The following SPAG9 variants were observed in gnomAD, a reference collection of about 807,000 sequenced individuals.
The protein encoded by SPAG9 is C-Jun-amino-terminal kinase-interacting protein 4.
Under a neutral mutation model 166.5 loss-of-function variants are expected in SPAG9, and 35 were observed. That is an observed-to-expected ratio of 0.21 (90% CI 0.16 to 0.28). The LOEUF is 0.28. Among genes scored for constraint, SPAG9 ranks in the 10% least tolerant of loss-of-function variants. The pLI is 1.00. For missense variants in SPAG9, 1,235 were observed against 1,603.3 expected (o/e 0.77, Z 3.92); for synonymous variants, 534 against 565.5 (o/e 0.94, Z 0.79).
chr17:51,019,818 C>G (rs1175947017), intron 8 of SPAG9, among the ~76,000 whole-genome samples: 1 of 152,170 alleles, frequency 6.6e-6, no homozygotes, highest in Non-Finnish European at 1.5e-5. Flanking sequence ...CACCATTGCA[C>G]TCCAGCCTGG....
intron 2 of SPAG9, among the ~76,000 whole-genome samples, chr17:51,075,372 A>G (rs1029213688): frequency 1.3e-5 from 2 of 152,114 alleles, no homozygotes; most frequent in Non-Finnish European, 2.9e-5. Flanking sequence ...GAAAAAAAGA[A>G]GCAGTATCTT....
intron 2 of SPAG9, among the ~76,000 whole-genome samples, chr17:51,063,150 T>C (rs1319859532): frequency 6.6e-6 from 1 of 152,180 alleles, no homozygotes; most frequent in African/African-American, 2.4e-5. Context: ...GGCTCACGCC[T>C]GTAATCCCAG....
At chr17:50,977,560 G>T (rs1013879871) in intron 26 of SPAG9, among the ~76,000 whole-genome samples, 1 of 152,116 alleles carries the variant, frequency 6.6e-6, no homozygotes, top group Non-Finnish European at 1.5e-5. Context: ...GATTTACTTA[G>T]GGAACTGTAA....
At chr17:50,967,046 T>C (rs1404196565) in intron 29 of SPAG9, among the ~76,000 whole-genome samples, 2 of 152,238 alleles carry the variant, frequency 1.3e-5, no homozygotes, top group African/African-American at 4.8e-5. Context: ...CAGGTTCTTC[T>C]GCATCACGGC....
chr17:50,999,239 A>G (rs376312731), intron 14 of SPAG9, among the ~76,000 whole-genome samples: 1 of 152,190 alleles, frequency 6.6e-6, no homozygotes, highest in South Asian at 2.1e-4. Flanking sequence ...CTCAAGCTCA[A>G]TACATACACA....
chr17:51,087,952 C>G (rs2048345491), intron 1 of SPAG9, among the ~76,000 whole-genome samples: 1 of 151,994 alleles, frequency 6.6e-6, no homozygotes, highest in Non-Finnish European at 1.5e-5. Context: ...ACCATGTTGC[C>G]CAGCCTGGTC....
rs1191552260 is a variant in SPAG9, at chr17:50,962,958, T to A, written c.*3314A>T. The A allele has an allele frequency of 6.6e-6, 1 of 152,224 alleles. No homozygotes were observed. Among genetic ancestry groups the A allele is most frequent in the Non-Finnish European group, 1.5e-5 (1 of 68,042 alleles). 9.4% of individuals were successfully genotyped at this position (152,224 alleles called of 1,614,324 possible). A position where few individuals can be genotyped will look rare whatever the true frequency, so the allele number is the denominator to read the frequency against. On this transcript the variant is annotated 3_prime_UTR_variant, in exon 30 of 30. Coordinates refer to ENST00000262013, the MANE Select transcript of SPAG9 (RefSeq NM_001130528.3). ...CAATTAAGAGATTCATTCCTATTTT[T>A]AAAATTTAGATCCACATGGGTTAGA...
At chr17:51,101,301 G>A (rs930052787) in intron 1 of SPAG9, among the ~76,000 whole-genome samples, 7 of 136,712 alleles carry the variant, frequency 5.1e-5, no homozygotes, top group African/African-American at 2.0e-4. Context: ...AGCCGAGATC[G>A]CACTACTGCA....
At chr17:50,979,572 G>A (rs1317736615) in intron 26 of SPAG9, among the ~76,000 whole-genome samples, 174 bp downstream of exon 26, 1 of 151,908 alleles carries the variant, frequency 6.6e-6, no homozygotes, top group African/African-American at 2.4e-5. Flanking sequence ...GCTGAGGTGA[G>A]AGGATCGCTT....
intron 9 of SPAG9, among the ~76,000 whole-genome samples, 169 bp downstream of exon 9, chr17:51,014,063 C>T (rs2045600629): frequency 6.6e-6 from 1 of 152,172 alleles, no homozygotes; most frequent in Non-Finnish European, 1.5e-5. Context: ...AAGGTGCTTT[C>T]ATTTAAAACT....
rs1158254371 is a variant in SPAG9, at chr17:51,031,666, A to C, written c.783+15T>G. On this transcript the variant is annotated intron_variant, in intron 6 of 29. Coordinates refer to ENST00000262013, the MANE Select transcript of SPAG9 (RefSeq NM_001130528.3). ...AGTATACTTTTTGCAAAATGTTAAG[A>C]AGCACCATTCTCACCTCCTGTTCTA... The C allele has an allele frequency of 1.9e-6, 3 of 1,547,688 alleles. No individual in the cohort carries two copies. The East Asian group carries it at 7.3e-5, about 38-fold the overall frequency.
At chr17:51,004,193 A>G (rs577761346) in intron 12 of SPAG9, among the ~76,000 whole-genome samples, 3 of 152,358 alleles carry the variant, frequency 2.0e-5, no homozygotes, top group Non-Finnish European at 4.4e-5. Flanking sequence ...TAAATATAGG[A>G]TAGCAGCTTT....
At chr17:51,018,363 C>CAA (rs555936704) in intron 8 of SPAG9, among the ~76,000 whole-genome samples, 1 of 141,592 alleles carries the variant, frequency 7.1e-6, no homozygotes, top group Non-Finnish European at 1.6e-5. Flanking sequence ...GACTGCATCT[C>CAA]AAAAAAAAAA....
intron 5 of SPAG9, among the ~76,000 whole-genome samples, chr17:51,036,365 C>T (rs1336603098): frequency 6.6e-6 from 1 of 152,108 alleles, no homozygotes; most frequent in Admixed American, 6.6e-5. Context: ...AAATTCAGTC[C>T]TCATTCTACT....
intron 6 of SPAG9, among the ~76,000 whole-genome samples, chr17:51,025,665 C>T (rs528085008): frequency 6.6e-6 from 1 of 152,168 alleles, no homozygotes; most frequent in East Asian, 1.9e-4. Context: ...TTGAGGTGGG[C>T]ATATCACTTG....
intron 3 of SPAG9, among the ~76,000 whole-genome samples, chr17:51,051,535 C>T (rs2047184601): frequency 6.6e-6 from 1 of 152,186 alleles, no homozygotes; most frequent in Admixed American, 6.5e-5. Flanking sequence ...GCCTGGACAA[C>T]ATGGTGAAAC....
At chr17:51,010,600 T>G (rs75267655) in intron 9 of SPAG9, among the ~76,000 whole-genome samples, 1 of 145,962 alleles carries the variant, frequency 6.9e-6, no homozygotes, top group Non-Finnish European at 1.5e-5. Context: ...TATATATATA[T>G]ACATATATGT....
At chr17:51,073,962 C>T (rs1392637012) in intron 2 of SPAG9, among the ~76,000 whole-genome samples, 5 of 152,126 alleles carry the variant, frequency 3.3e-5, no homozygotes, top group African/African-American at 1.2e-4. Flanking sequence ...TTAGGCCGGG[C>T]GTGGTGGCTC....
intron 2 of SPAG9, among the ~76,000 whole-genome samples, chr17:51,061,056 C>T (rs182907476): frequency 2.0e-5 from 3 of 151,628 alleles, no homozygotes; most frequent in African/African-American, 7.3e-5. Flanking sequence ...CCATGTTGGT[C>T]AGGATGGTCT....
Sources: allele counts gnomAD v4.1 joint callset (sites outside exome capture counted in the v4.1 genomes callset), GRCh38; gene constraint gnomAD v4.1.1; transcripts MANE v1.5; gene names NCBI Gene and HGNC (gene_info 2026-07-23, HGNC 2026-07-21).